CCDC40: variants seen among roughly 807,000 people sequenced by gnomAD.
CCDC40 encodes coiled-coil domain-containing protein 40.
CCDC40 carries 104 observed loss-of-function variants against 124.5 expected under a neutral mutation model. That is an observed-to-expected ratio of 0.84 (90% CI 0.71 to 0.98). CCDC40 has a LOEUF of 0.98. Ranked by LOEUF, CCDC40 falls within the 50% of genes least tolerant of loss-of-function variation. The pLI, the probability that CCDC40 is intolerant of heterozygous loss-of-function variation, is 0.00. For synonymous variants in CCDC40, 580 were observed against 602.9 expected, an observed-to-expected ratio of 0.96 and a Z score of 0.56; for missense variants, 1,463 against 1,503.9, an observed-to-expected ratio of 0.97 and a Z score of 0.45.
intron 17 of CCDC40, among the ~76,000 whole-genome samples, chr17:80,093,485 C>G (rs1016144598): frequency 6.8e-5 from 10 of 147,934 alleles, no homozygotes; most frequent in African/African-American, 2.5e-4. Context: ...GCCCGGCCAG[C>G]TGATTTTAAT....
chr17:80,094,225 A>G (rs57325379), intron 17 of CCDC40, among the ~76,000 whole-genome samples: 51 of 148,490 alleles, frequency 3.4e-4, no homozygotes, highest in South Asian at 1.9e-3. Context: ...CCTGGCCACC[A>G]CGGTGAAACC....
intron 10 of CCDC40, 105 bp from the exon 11 acceptor site, chr17:80,081,441 T>A: frequency 1.8e-6 from 2 of 1,099,664 alleles, no homozygotes; most frequent in Non-Finnish European, 2.8e-6. Flanking sequence ...TATTTCTCTG[T>A]GCATTGAGTT....
chr17:80,069,983 C>T (rs181181045), intron 10 of CCDC40, among the ~76,000 whole-genome samples: 3 of 152,310 alleles, frequency 2.0e-5, no homozygotes, highest in Admixed American at 1.3e-4. Flanking sequence ...AGACACTGAA[C>T]GCAGAATTAG....
chr17:80,071,713 G>A (rs1469772893), intron 10 of CCDC40, among the ~76,000 whole-genome samples: 5 of 151,950 alleles, frequency 3.3e-5, no homozygotes, highest in African/African-American at 1.2e-4. Flanking sequence ...GGCTTCGTGT[G>A]AGATGATTTT....
Position 80,087,822 on chromosome 17 carries a change from CG to C in CCDC40, c.2619+51del. On this transcript the variant is annotated intron_variant, in intron 15 of 19. Transcript: ENST00000397545. The surrounding 1 kb of genome is among the most constrained non-coding windows in gnomAD (Gnocchi z 4.5). ...TCCCGGGGCTCAGGACGATGGAGGG[CG>C]GGGGTACGGTCCTTGCGGTGGGCGT... is the stretch of plus-strand genomic sequence containing the variant. 1 of 1,577,152 alleles carries C rather than the reference CG, an allele frequency of 6.3e-7. No homozygotes were observed. The highest frequency in any genetic ancestry group is 8.7e-7 in the Non-Finnish European group (1 of 1,147,080).
chr17:80,045,856 C>A (rs1181948943), intron 3 of CCDC40, among the ~76,000 whole-genome samples: 2 of 147,596 alleles, frequency 1.4e-5, no homozygotes. Context: ...AAAAAAAAAA[C>A]ACTTCTGCTA....
rs751659398 is a variant in CCDC40, at chr17:80,050,144, C to G, written c.1020C>G (p.His340Gln). 2 of 1,613,762 alleles carry G rather than the reference C, an allele frequency of 1.2e-6. No individual in the cohort carries two copies. Among genetic ancestry groups the G allele is most frequent in the Admixed American group, 3.3e-5 (2 of 60,024 alleles). ...ATGAGGTGCAGCAGCACCTGGTACA[C>G]CTGCAGAAGCTGCTGGAGAAGAGTC... ...NLYEVQQHLV[H>Q]LQKLLEKSHD... Residue 340 changes from histidine (H) to glutamine (Q), a missense_variant, in exon 7 of 20, where the codon CAC becomes CAG. His to Gln is a conservative substitution (Grantham distance 24). Transcript: ENST00000397545.
intron 3 of CCDC40, 45 bp downstream of exon 3, chr17:80,040,315 A>T: frequency 6.4e-7 from 1 of 1,566,116 alleles, no homozygotes; most frequent in Non-Finnish European, 8.7e-7. Flanking sequence ...CGCACGGCCC[A>T]CGGGGTTTGT....
Position 80,058,770 on chromosome 17 carries a change from G to T in CCDC40, c.1318-88G>T. On this transcript the variant is annotated intron_variant, in intron 8 of 19. Transcript: ENST00000397545. This position sits in a 1 kb window ranked among gnomAD's most constrained non-coding sequence, Gnocchi z 4.2. ...CGGAGGGGTGGCGGCCGGCCTGGGT[G>T]GCGTCAACTTGTATCAAGGGTTGGT... 1 of 1,608,476 alleles carries T rather than the reference G, an allele frequency of 6.2e-7. No individual in the cohort carries two copies. The highest frequency in any genetic ancestry group is 8.5e-7 in the Non-Finnish European group (1 of 1,175,312).
At position 80,089,817 on chromosome 17, in the gene CCDC40, C is replaced by T. The variant is rs1046792813; in HGVS notation, c.2765C>T (p.Ser922Phe). The change falls in exon 17 of 20, where the codon TCC becomes TTC. Residue 922 changes from serine to phenylalanine, a missense_variant. Physicochemically the swap from Ser to Phe is radical, Grantham distance 155. Transcript: ENST00000397545. The stretch of plus-strand genomic sequence containing the variant: ...ATCCAACTGGCAAAAGAGATGCGTT[C>T]CTCAGTGGATTCCGAGATCGGCCAG... Reference protein sequence around the residue: ...KKIQLAKEMRSSVDSEIGQTE... With the variant: ...KKIQLAKEMRFSVDSEIGQTE... The T allele has an allele frequency of 1.5e-5, 25 of 1,614,110 alleles. No homozygotes were observed. The highest frequency in any genetic ancestry group is 2.1e-5 in the Non-Finnish European group (25 of 1,180,026).
chr17:80,078,135 T>C (rs887888059), intron 10 of CCDC40, among the ~76,000 whole-genome samples: 1 of 151,798 alleles, frequency 6.6e-6, no homozygotes, highest in South Asian at 2.1e-4. Flanking sequence ...ATTGAGACCA[T>C]CCTGGCTAAC....
intron 7 of CCDC40, among the ~76,000 whole-genome samples, chr17:80,056,016 A>ATATATATATATATATTTTTTTTTTT: frequency 5.9e-4 from 6 of 10,248 alleles, no homozygotes; most frequent in Admixed American, 3.0e-3. Context: ...ATATATATAT[A>ATATATATATATATATTTTTTTTTTT]TTTTTTTTTT....
rs1414031495 is a variant in CCDC40 at position 80,089,945 on chromosome 17, C to T, written c.2832+61C>T. 3.1e-6 allele frequency: 5 copies of T among 1,600,582 alleles called. No individual in the cohort carries two copies. In the African/African-American group the frequency reaches 4.0e-5, roughly 13 times the overall value. On this transcript the variant is annotated intron_variant, in intron 17 of 19. Coordinates refer to ENST00000397545, the MANE Select transcript of CCDC40 (RefSeq NM_017950.4). ...GGTGCCAGCCCTTGGGCTCTGGAGACCTGGCCACACCAAGGCCTCGGCTCT... is the reference window on the plus strand; with the variant it reads ...GGTGCCAGCCCTTGGGCTCTGGAGATCTGGCCACACCAAGGCCTCGGCTCT...
At chr17:80,062,741 T>G (rs967155315) in intron 9 of CCDC40, among the ~76,000 whole-genome samples, 5 of 152,014 alleles carry the variant, frequency 3.3e-5, no homozygotes, top group Non-Finnish European at 7.4e-5. Context: ...CACCACACCG[T>G]GCTAATTTTT....
In CCDC40 at chr17:80,049,930, G is replaced by A; in HGVS notation, c.880G>A (p.Ala294Thr). 1.9e-6 allele frequency: 3 copies of A among 1,614,086 alleles called. No individual in the cohort carries two copies. Among genetic ancestry groups the A allele is most frequent in the Non-Finnish European group, 2.5e-6 (3 of 1,179,994 alleles). Residue 294 changes from alanine (A) to threonine (T), a missense_variant, in exon 6 of 20, where the codon GCC becomes ACC. By Grantham distance (58) the Ala-to-Thr change is moderately conservative. Coordinates refer to ENST00000397545, the MANE Select transcript of CCDC40 (RefSeq NM_017950.4). ...DHPLMVRFQAALKNYLNRQIE... is the reference protein window; with the variant it reads ...DHPLMVRFQATLKNYLNRQIE... ...GCCCCTGATGGTAAGATTCCAGGCTGCCCTGAAGAACTACCTGAACCGACA... is the reference window on the plus strand; with the variant it reads ...GCCCCTGATGGTAAGATTCCAGGCTACCCTGAAGAACTACCTGAACCGACA...
At position 80,039,941 on chromosome 17, in the gene CCDC40, G is replaced by A. The variant is rs756421758; in HGVS notation, c.223G>A (p.Ala75Thr). ...EEGEVETEGEAAVEGEEEAVS... is the reference protein window; with the variant it reads ...EEGEVETEGETAVEGEEEAVS... ...GGGGGAGGTGGAGACAGAAGGGGAAGCAGCAGTGGAAGGGGAAGAGGAGGC... is the reference window on the plus strand; with the variant it reads ...GGGGGAGGTGGAGACAGAAGGGGAAACAGCAGTGGAAGGGGAAGAGGAGGC... The change falls in exon 3 of 20, where the codon GCA (alanine) becomes ACA (threonine). Residue 75 changes from alanine to threonine, a missense_variant. Transcript: ENST00000397545. The A allele has an allele frequency of 6.2e-7, 1 of 1,613,228 alleles. No individual in the cohort carries two copies. The highest frequency in any genetic ancestry group is 1.1e-5 in the South Asian group (1 of 91,072).
At position 80,087,844 on chromosome 17, in the gene CCDC40, G is replaced by T; in HGVS notation, c.2619+68G>T. On this transcript the variant is annotated intron_variant, in intron 15 of 19. Coordinates refer to ENST00000397545, the MANE Select transcript of CCDC40 (RefSeq NM_017950.4). This position sits in a 1 kb window ranked among gnomAD's most constrained non-coding sequence, Gnocchi z 4.5. ...GGGCGGGGGTACGGTCCTTGCGGTG[G>T]GCGTTCTGCACCAGGATGTAATTTC... The T allele has an allele frequency of 6.8e-7, 1 of 1,460,226 alleles. No homozygotes were observed. Among genetic ancestry groups the T allele is most frequent in the Non-Finnish European group, 9.6e-7 (1 of 1,041,054 alleles). The allele number at this position is 1,460,226 out of a possible 1,614,324, so 90.5% of individuals were successfully genotyped here. A position where few individuals can be genotyped will look rare whatever the true frequency, so the allele number is the denominator to read the frequency against.
In CCDC40 at chr17:80,097,103, C is replaced by T. The variant is rs142198800; in HGVS notation, c.3022-142C>T. 2,069 of 919,614 alleles carry T rather than the reference C, an allele frequency of 2.2e-3. 9 individuals are homozygous for T. Among genetic ancestry groups the T allele is most frequent in the Middle Eastern group, 6.7e-3 (22 of 3,260 alleles). The allele number at this position is 919,614 out of a possible 1,614,324, so 57.0% of individuals were successfully genotyped here. A position where few individuals can be genotyped will look rare whatever the true frequency, so the allele number is the denominator to read the frequency against. On this transcript the variant is annotated intron_variant, in intron 18 of 19. Transcript: ENST00000397545. ...GCCTGGCATCTCCCAGGCCTCGCCTCTCCAGCCCTCCCATTCCTCTTTGGG... is the reference window on the plus strand; with the variant it reads ...GCCTGGCATCTCCCAGGCCTCGCCTTTCCAGCCCTCCCATTCCTCTTTGGG...
At chr17:80,037,912 C>T in intron 1 of CCDC40, 2 of 508,812 alleles carry the variant, frequency 3.9e-6, no homozygotes, top group Non-Finnish European at 7.3e-6. Flanking sequence ...TTCATTCATT[C>T]ATGGAGCTTT....
Sources: gnomAD v4.1 joint callset for allele counts (sites outside exome capture counted in the v4.1 genomes callset) on GRCh38, gnomAD v4.1.1 for gene constraint, Gnocchi (gnomAD v3.1) non-coding constraint, MANE v1.5 for transcripts, NCBI Gene and HGNC (gene_info 2026-07-23, HGNC 2026-07-21) for gene names.